Variants in GATA6 observed in about 807,000 individuals in gnomAD.
GATA6 encodes the protein GATA binding protein 6, also known as transcription factor GATA-6.
GATA6 carries 11 observed loss-of-function variants against 48.1 expected under a neutral mutation model. The ratio of observed to expected loss-of-function variants is 0.23; its 90% CI spans 0.14 to 0.38. GATA6 has a LOEUF of 0.38. Among genes scored for constraint, GATA6 ranks in the 10% least tolerant of loss-of-function variants. GATA6 has a pLI of 1.00. For missense variants in GATA6, 795 were observed against 850.3 expected, an observed-to-expected ratio of 0.93 and a Z score of 0.81; for synonymous variants, 419 against 396.1, an observed-to-expected ratio of 1.06 and a Z score of -0.69.
intron 4 of GATA6, 23 bp downstream of exon 4, chr18:22,181,601 T>C: frequency 6.2e-7 from 1 of 1,613,690 alleles, no homozygotes; most frequent in Non-Finnish European, 8.5e-7. Context: ...TTCTGCTCAC[T>C]TGTATATACA....
intron 6 of GATA6, 98 bp from the exon 7 acceptor site, chr18:22,200,558 T>C: frequency 6.7e-7 from 1 of 1,486,994 alleles, no homozygotes; most frequent in Non-Finnish European, 9.4e-7. Flanking sequence ...TGGCCCTGGC[T>C]GCACAGACCC....
chr18:22,200,559 G>A, intron 6 of GATA6, 97 bp from the exon 7 acceptor site: 1 of 1,488,096 alleles, frequency 6.7e-7, no homozygotes, highest in Non-Finnish European at 9.4e-7. Flanking sequence ...GGCCCTGGCT[G>A]CACAGACCCG....
At chr18:22,196,172 A>C (rs1240655267) in intron 6 of GATA6, among the ~76,000 whole-genome samples, 1 of 152,210 alleles carries the variant, frequency 6.6e-6, no homozygotes, top group Non-Finnish European at 1.5e-5. Context: ...AAGGCTACCA[A>C]GCATTGGGCA....
At chr18:22,189,527 T>C (rs2033303158) in intron 6 of GATA6, among the ~76,000 whole-genome samples, 1 of 152,182 alleles carries the variant, frequency 6.6e-6, no homozygotes, top group Non-Finnish European at 1.5e-5. Flanking sequence ...CACAAAATTA[T>C]AGTTCCTGTG....
intron 6 of GATA6, among the ~76,000 whole-genome samples, chr18:22,187,663 C>T (rs2033279186): frequency 6.6e-6 from 1 of 151,680 alleles, no homozygotes; most frequent in Non-Finnish European, 1.5e-5. Context: ...ATAAGTAGTC[C>T]ACAAATGGTC....
rs954100957 is a variant in GATA6, at chr18:22,201,164, T to C, written c.*341T>C. 5 of 322,890 alleles carry C rather than the reference T, an allele frequency of 1.5e-5. No homozygotes were observed. Among genetic ancestry groups the C allele is most frequent in the African/African-American group, 4.2e-5 (2 of 47,716 alleles). The allele number at this position is 322,890 out of a possible 1,614,324, so 20.0% of individuals were successfully genotyped here. A position where few individuals can be genotyped will look rare whatever the true frequency, so the allele number is the denominator to read the frequency against. ...AGATTTTGCATTTTGTCCAAAATCA[T>C]GTGCTTCTTCTGATCAATTTTGGTT... On this transcript the variant is annotated 3_prime_UTR_variant, in exon 7 of 7. Coordinates refer to ENST00000269216, the MANE Select transcript of GATA6 (RefSeq NM_005257.6).
In GATA6 at chr18:22,192,049, T is replaced by C. The variant is rs549475269; in HGVS notation, c.1621-8607T>C. Among the ~76,000 whole-genome samples, 14 of 152,332 alleles carry C rather than the reference T, an allele frequency of 9.2e-5. No homozygotes were observed. The South Asian group carries it at 2.9e-3, about 32-fold the overall frequency. ...TTTTACATTTAAAGCTCTCATTAAA[T>C]TTAGTTGCTTGATTCGTGGTGAAGC... On this transcript the variant is annotated intron_variant, in intron 6 of 6. Transcript: ENST00000269216.
At chr18:22,175,525 T>C (rs1042486814) in intron 2 of GATA6, 2 of 152,218 alleles carry the variant, frequency 1.3e-5, no homozygotes, top group African/African-American at 2.4e-5. Context: ...CCGTAGTCAA[T>C]AGTGGCTTTT....
At position 22,170,587 on chromosome 18, in the gene GATA6, G is replaced by A. The variant is rs1248444942; in HGVS notation, c.-37-521G>A. 6.6e-6 allele frequency among the ~76,000 whole-genome samples: 1 copy of A among 152,246 alleles called. No individual in the cohort carries two copies. The highest frequency in any genetic ancestry group is 1.5e-5 in the Non-Finnish European group (1 of 68,044). On this transcript the variant is annotated intron_variant, in intron 1 of 6. Transcript: ENST00000269216. This position sits in a 1 kb window ranked among gnomAD's most constrained non-coding sequence, Gnocchi z 6.7. Reference sequence around the variant, plus strand: ...CGCGGCGGTTTCGTTTTCGGGGACAGGTTGCCTTCCTTACGCGAAGGGTTT... The same window carrying A: ...CGCGGCGGTTTCGTTTTCGGGGACAAGTTGCCTTCCTTACGCGAAGGGTTT...
intron 2 of GATA6, among the ~76,000 whole-genome samples, chr18:22,174,447 C>A (rs921503558): frequency 1.3e-5 from 2 of 152,092 alleles, no homozygotes; most frequent in Non-Finnish European, 2.9e-5. Flanking sequence ...TTAGCCTACA[C>A]TTTTCCTAAT....
At chr18:22,182,609 C>T (rs915329304) in intron 4 of GATA6, 148 bp from the exon 5 acceptor site, 19 of 647,210 alleles carry the variant, frequency 2.9e-5, no homozygotes, top group African/African-American at 2.0e-4. Flanking sequence ...CTGCCTGCCT[C>T]GGCCTCTGAA....
Position 22,190,937 on chromosome 18 carries a change from A to G in GATA6, c.1620+7894A>G, listed in dbSNP as rs555227335. Among the ~76,000 whole-genome samples, 12 of 150,076 alleles carry G rather than the reference A, an allele frequency of 8.0e-5. No individual in the cohort carries two copies. The South Asian group carries it at 2.5e-3, about 32-fold the overall frequency. ...GGCCTTTGCGTGAAAGTCACACGTC[A>G]CCCCGGCAGGGAATGTTCAAGCATG... On this transcript the variant is annotated intron_variant, in intron 6 of 6. Coordinates refer to ENST00000269216, the MANE Select transcript of GATA6 (RefSeq NM_005257.6).
intron 2 of GATA6, chr18:22,175,544 GAAGAATA>G (rs2033110780): frequency 6.6e-6 from 1 of 152,218 alleles, no homozygotes; most frequent in Non-Finnish European, 1.5e-5. Flanking sequence ...TTAGGGCGGA[GAAGAATA>G]AACCTTTGTG....
intron 6 of GATA6, among the ~76,000 whole-genome samples, chr18:22,193,909 T>C (rs2033357192): frequency 6.6e-6 from 1 of 152,188 alleles, no homozygotes; most frequent in African/African-American, 2.4e-5. Context: ...TCGGCTGTGT[T>C]GCCTTCCCAT....
At position 22,170,708 on chromosome 18, in the gene GATA6, C is replaced by A. The variant is rs138843512; in HGVS notation, c.-37-400C>A. Reference sequence around the variant, plus strand: ...GCCGACACGCACAGCTACTTAAATTCTTTTGTGTGTCATCAGCCCGGGGGA... The same window carrying A: ...GCCGACACGCACAGCTACTTAAATTATTTTGTGTGTCATCAGCCCGGGGGA... On this transcript the variant is annotated intron_variant, in intron 1 of 6. Transcript: ENST00000269216. The surrounding 1 kb of genome is among the most constrained non-coding windows in gnomAD (Gnocchi z 6.7). Among the ~76,000 whole-genome samples, 44 of 152,250 alleles carry A rather than the reference C, an allele frequency of 2.9e-4. No homozygotes were observed. Among genetic ancestry groups the A allele is most frequent in the African/African-American group, 9.4e-4 (39 of 41,562 alleles).
intron 6 of GATA6, among the ~76,000 whole-genome samples, chr18:22,195,114 C>T (rs1207077328): frequency 6.6e-6 from 1 of 152,120 alleles, no homozygotes; most frequent in Non-Finnish European, 1.5e-5. Flanking sequence ...TGTAGTGAGC[C>T]GAGATACCAC....
At position 22,200,983 on chromosome 18, in the gene GATA6, G is replaced by C. The variant is rs897658017; in HGVS notation, c.*160G>C. 1.1e-6 allele frequency: 1 copy of C among 916,282 alleles called. No individual in the cohort carries two copies. The highest frequency in any genetic ancestry group is 1.6e-6 in the Non-Finnish European group (1 of 617,318). The allele number at this position is 916,282 out of a possible 1,614,324, so 56.8% of individuals were successfully genotyped here. A position where few individuals can be genotyped will look rare whatever the true frequency, so the allele number is the denominator to read the frequency against. On this transcript the variant is annotated 3_prime_UTR_variant, in exon 7 of 7. Transcript: ENST00000269216. ...GTTTTTCCCAAGAGGCTTGCTGAAA[G>C]AGTGAGAGAAGATGGAAGGGAAGGG... is the stretch of plus-strand genomic sequence containing the variant.
chr18:22,190,778 C>A (rs1169431072), intron 6 of GATA6, among the ~76,000 whole-genome samples: 1 of 152,208 alleles, frequency 6.6e-6, no homozygotes, highest in African/African-American at 2.4e-5. Context: ...TAATATCCCA[C>A]TTGCCACATG....
At chr18:22,175,872 G>A (rs2033114685) in intron 2 of GATA6, among the ~76,000 whole-genome samples, 1 of 152,080 alleles carries the variant, frequency 6.6e-6, no homozygotes, top group Non-Finnish European at 1.5e-5. Flanking sequence ...CTTCAATAAT[G>A]CAGAACTAGG....
Sources: gnomAD v4.1 joint callset for allele counts (sites outside exome capture counted in the v4.1 genomes callset) on GRCh38, gnomAD v4.1.1 for gene constraint, Gnocchi (gnomAD v3.1) non-coding constraint, MANE v1.5 for transcripts, NCBI Gene and HGNC (gene_info 2026-07-23, HGNC 2026-07-21) for gene names.